DLGAP5: variants seen among roughly 807,000 people sequenced by gnomAD.
DLGAP5 encodes the protein DLG associated protein 5.
In DLGAP5, 90 loss-of-function variants were observed where a neutral mutation model predicts 99.6. The ratio of observed to expected loss-of-function variants is 0.90; its 90% CI spans 0.76 to 1.08. The LOEUF is 1.08. DLGAP5 is among the 50% of genes least tolerant of loss of function. The pLI is 0.00. For synonymous variants in DLGAP5, 311 were observed against 321.3 expected (o/e 0.97, Z 0.34); for missense variants, 1,036 against 983.5 (o/e 1.05, Z -0.71).
intron 10 of DLGAP5, among the ~76,000 whole-genome samples, chr14:55,174,904 T>C (rs887567478): frequency 1.3e-5 from 2 of 152,194 alleles, no homozygotes; most frequent in African/African-American, 4.8e-5. Flanking sequence ...TTAGACAGGA[T>C]GGTCTCGATT....
intron 12 of DLGAP5, among the ~76,000 whole-genome samples, chr14:55,163,669 T>C (rs1882526949): frequency 6.6e-6 from 1 of 152,234 alleles, no homozygotes; most frequent in Non-Finnish European, 1.5e-5. Context: ...TATTGCTCCA[T>C]ACCCTCCCCA....
chr14:55,179,749 A>C, intron 6 of DLGAP5, 50 bp from the exon 7 acceptor site: 1 of 1,448,054 alleles, frequency 6.9e-7, no homozygotes, highest in Non-Finnish European at 9.6e-7. Flanking sequence ...TGCTACATGA[A>C]AATACTAGGT....
chr14:55,170,794 T>C lies in DLGAP5; in HGVS notation c.1302-7A>G. On this transcript the variant is annotated splice_polypyrimidine_tract_variant and splice_region_variant and intron_variant, in intron 10 of 18. Transcript: ENST00000247191. ...TTCTGACTGGAGGATATTTCTAAAA[T>C]TATGACATACATTTCAGTTCTACAA... The C allele has an allele frequency of 6.2e-7, 1 of 1,610,226 alleles. No homozygotes were observed. The highest frequency in any genetic ancestry group is 2.2e-5 in the East Asian group (1 of 44,754).
At chr14:55,175,565 T>A in intron 9 of DLGAP5, 93 bp from the exon 10 acceptor site, 3 of 838,342 alleles carry the variant, frequency 3.6e-6, no homozygotes, top group Middle Eastern at 3.5e-4. Context: ...TCCTTTTCAA[T>A]GTTTAATTTT....
chr14:55,148,977 T>A (rs1023174946), intron 18 of DLGAP5, among the ~76,000 whole-genome samples: 2 of 152,224 alleles, frequency 1.3e-5, no homozygotes, highest in Non-Finnish European at 2.9e-5. Flanking sequence ...TAATACTGTG[T>A]GATCCTGCTG....
intron 10 of DLGAP5, among the ~76,000 whole-genome samples, chr14:55,171,688 A>G (rs1426079507): frequency 1.3e-5 from 2 of 152,238 alleles, no homozygotes; most frequent in African/African-American, 2.4e-5. Flanking sequence ...ATAGCTGTTC[A>G]CAACAGTTAA....
intron 17 of DLGAP5, among the ~76,000 whole-genome samples, chr14:55,151,069 T>C (rs1002276973): frequency 3.9e-5 from 6 of 152,194 alleles, no homozygotes; most frequent in Non-Finnish European, 5.9e-5. Flanking sequence ...CTTGTAACAT[T>C]AAAGGTACCC....
intron 16 of DLGAP5, 46 bp from the exon 17 acceptor site, chr14:55,151,987 T>C (rs1401868569): frequency 6.4e-7 from 1 of 1,564,306 alleles, no homozygotes; most frequent in East Asian, 2.3e-5. Context: ...TTTAATTACT[T>C]GGAACAAATT....
rs374978881 is a variant in DLGAP5 at position 55,151,799 on chromosome 14, T to C, written c.2264A>G (p.Asn755Ser). 25 of 1,613,916 alleles carry C rather than the reference T, an allele frequency of 1.5e-5. No individual in the cohort carries two copies. In the African/African-American group the frequency reaches 2.3e-4, roughly 15 times the overall value. The change falls in exon 17 of 19, where the codon AAT (asparagine) becomes AGT (serine). Residue 755 changes from asparagine (N) to serine (S), a missense_variant. Physicochemically the swap from Asn to Ser is conservative, Grantham distance 46. Coordinates refer to ENST00000247191, the MANE Select transcript of DLGAP5 (RefSeq NM_014750.5). ...AACATCCTGTGATGTAATTGAAGAA[T>C]TCAGTTCCATTCCTTCCACAACATC... ...ISDVVEGMELNSSITSQDVLM... is the reference protein window; with the variant it reads ...ISDVVEGMELSSSITSQDVLM...
chr14:55,169,803 C>T (rs772953722), intron 11 of DLGAP5, among the ~76,000 whole-genome samples: 8 of 152,214 alleles, frequency 5.3e-5, no homozygotes, highest in African/African-American at 1.7e-4. Flanking sequence ...CATTCTACTT[C>T]TTGTTGTACT....
intron 12 of DLGAP5, 68 bp downstream of exon 12, chr14:55,169,331 C>T: frequency 2.5e-6 from 3 of 1,182,324 alleles, no homozygotes; most frequent in Non-Finnish European, 3.3e-6. Context: ...CCCCATTTTA[C>T]TCCTGCTACT....
chr14:55,181,141 C>T, intron 5 of DLGAP5, 72 bp downstream of exon 5: 1 of 1,402,866 alleles, frequency 7.1e-7, no homozygotes, highest in African/African-American at 1.4e-5. Flanking sequence ...TCCAGTTGAC[C>T]TTCAAGACAC....
chr14:55,154,269 GAATT>G (rs537468721), intron 15 of DLGAP5, among the ~76,000 whole-genome samples: 1,533 of 152,320 alleles, frequency 0.01, 19 homozygotes, highest in Non-Finnish European at 0.014. Context: ...AAGCTAAAGA[GAATT>G]AATTACTTGC....
intron 18 of DLGAP5, 72 bp downstream of exon 18, chr14:55,150,727 A>G: frequency 8.5e-7 from 1 of 1,169,730 alleles, no homozygotes; most frequent in South Asian, 1.5e-5. Flanking sequence ...CTTGTACACA[A>G]ATAGAAAAGC....
chr14:55,179,781 C>CAATAGG (rs1883216589), intron 6 of DLGAP5, 82 bp from the exon 7 acceptor site: 1 of 1,127,232 alleles, frequency 8.9e-7, no homozygotes, highest in Non-Finnish European at 1.3e-6. Flanking sequence ...GGAAAAGAAG[C>CAATAGG]AACAGTAGGA....
At position 55,150,822 on chromosome 14, in the gene DLGAP5, T is replaced by C. The variant is rs368350454; in HGVS notation, c.2395A>G (p.Thr799Ala). The change falls in exon 18 of 19, where the codon ACT becomes GCT. Residue 799 changes from threonine (T) to alanine (A), a missense_variant. Coordinates refer to ENST00000247191, the MANE Select transcript of DLGAP5 (RefSeq NM_014750.5). Reference sequence around the variant, plus strand: ...ACTGAATCAAGAAGGTGGCATTCAGTAGTGAGACTTTTATTATCAAATAGT... The same window carrying C: ...ACTGAATCAAGAAGGTGGCATTCAGCAGTGAGACTTTTATTATCAAATAGT... ...SELFDNKSLT[T>A]ECHLLDSPGL... 3.9e-5 allele frequency: 62 copies of C among 1,581,096 alleles called. 1 individual carries two copies. Among genetic ancestry groups the C allele is most frequent in the Non-Finnish European group, 5.1e-5 (60 of 1,170,270 alleles).
chr14:55,188,301 C>A (rs554469614), intron 2 of DLGAP5, among the ~76,000 whole-genome samples: 1 of 152,244 alleles, frequency 6.6e-6, no homozygotes, highest in African/African-American at 2.4e-5. Context: ...GCTCTATTTT[C>A]ATCTTTTTCT....
intron 8 of DLGAP5, among the ~76,000 whole-genome samples, 172 bp from the exon 9 acceptor site, chr14:55,176,190 C>T (rs1390809666): frequency 6.6e-6 from 1 of 152,004 alleles, no homozygotes; most frequent in African/African-American, 2.4e-5. Context: ...TGTGAATGTC[C>T]ATTTTTACTA....
intron 15 of DLGAP5, among the ~76,000 whole-genome samples, chr14:55,154,252 G>T (rs1201381297): frequency 6.6e-6 from 1 of 152,150 alleles, no homozygotes; most frequent in African/African-American, 2.4e-5. Flanking sequence ...TGTAGATGAT[G>T]AAAGTGAAGC....
Sources: gnomAD v4.1 joint callset for allele counts (sites outside exome capture counted in the v4.1 genomes callset) on GRCh38, gnomAD v4.1.1 for gene constraint, MANE v1.5 for transcripts, NCBI Gene and HGNC (gene_info 2026-07-23, HGNC 2026-07-21) for gene names.